Variants in DHRS4L2 observed in about 807,000 individuals in gnomAD.
The protein encoded by DHRS4L2 is dehydrogenase/reductase SDR family member 4-like 2.
Under a neutral mutation model 23.9 loss-of-function variants are expected in DHRS4L2, and 22 were observed. That is an observed-to-expected ratio of 0.92 (90% CI 0.66 to 1.31). The LOEUF is 1.31. Among genes scored for constraint, DHRS4L2 ranks in the 40% most tolerant of loss-of-function variants. DHRS4L2 has a pLI of 0.00. For synonymous variants in DHRS4L2, 141 were observed against 123.7 expected (o/e 1.14, Z -0.93); for missense variants, 385 against 303.3 (o/e 1.27, Z -2.00).
intron 2 of DHRS4L2, among the ~76,000 whole-genome samples, chr14:23,994,109 G>A (rs151253175): frequency 9.9e-5 from 15 of 151,814 alleles, no homozygotes; most frequent in African/African-American, 3.6e-4. Flanking sequence ...GATCTCAAAG[G>A]CCCCTCCAGG....
chr14:23,992,441 C>G (rs1366765819), intron 2 of DHRS4L2, among the ~76,000 whole-genome samples: 15 of 151,542 alleles, frequency 9.9e-5, no homozygotes, highest in African/African-American at 3.4e-4. Flanking sequence ...ATGTCTTCTG[C>G]CAGTTGCCAC....
chr14:23,990,467 C>A, intron 2 of DHRS4L2, 108 bp downstream of exon 2: 1 of 1,425,490 alleles, frequency 7.0e-7, no homozygotes, highest in Non-Finnish European at 9.3e-7. Context: ...GTGTGCCTTT[C>A]TATTATGTCC....
In DHRS4L2 at chr14:24,001,415, C is replaced by G; in HGVS notation, c.563C>G (p.Ala188Gly). The change falls in exon 6 of 8, where the codon GCC becomes GGC. Residue 188 changes from alanine to glycine, a missense_variant. By Grantham distance (60) the Ala-to-Gly change is moderately conservative. Coordinates refer to ENST00000335125, the MANE Select transcript of DHRS4L2 (RefSeq NM_198083.4). ...GFSPYNVSKT[A>G]LLGLNNTLAI... Reference sequence around the variant, plus strand: ...AGTCCTTACAATGTCAGTAAAACAGCCTTGCTGGGCCTCAACAATACCCTG... The same window carrying G: ...AGTCCTTACAATGTCAGTAAAACAGGCTTGCTGGGCCTCAACAATACCCTG... 1 of 1,607,918 alleles carries G rather than the reference C, an allele frequency of 6.2e-7. No homozygotes were observed. Among genetic ancestry groups the G allele is most frequent in the Non-Finnish European group, 8.5e-7 (1 of 1,179,388 alleles).
chr14:23,997,965 A>G (rs541649793), intron 3 of DHRS4L2, among the ~76,000 whole-genome samples: 9 of 151,892 alleles, frequency 5.9e-5, no homozygotes, highest in African/African-American at 2.2e-4. Context: ...TAGCCTTACA[A>G]AATGTATTTC....
At chr14:23,996,788 G>A (rs1270083634) in intron 3 of DHRS4L2, among the ~76,000 whole-genome samples, 1 of 151,374 alleles carries the variant, frequency 6.6e-6, no homozygotes, top group Non-Finnish European at 1.5e-5. Flanking sequence ...CTACAGGCAT[G>A]TGCCATCATG....
upstream of DHRS4L2, among the ~76,000 whole-genome samples, chr14:23,986,816 C>T (rs2034153358): frequency 6.6e-6 from 1 of 151,442 alleles, no homozygotes; most frequent in Admixed American, 6.6e-5. Context: ...CCCCCAGCCC[C>T]ACACAGATGG....
rs74698879 is a variant in DHRS4L2 at position 23,989,295 on chromosome 14, A to T, written c.128+220A>T. Among the ~76,000 whole-genome samples the T allele has an allele frequency of 6.6e-5, 10 of 151,436 alleles. 1 individual carries two copies. The highest frequency in any genetic ancestry group is 2.2e-4 in the African/African-American group (9 of 41,288). On this transcript the variant is annotated intron_variant, in intron 1 of 7. Transcript: ENST00000335125. ...CTGCTGCCTCTGGCACAACTGTGCC[A>T]CCTCTGTGCAGCCCCATCGATCTAG...
intron 1 of DHRS4L2, among the ~76,000 whole-genome samples, chr14:23,975,660 A>G (rs1281287626): frequency 6.6e-6 from 1 of 151,820 alleles, no homozygotes; most frequent in Non-Finnish European, 1.5e-5. Context: ...TGGAGGCGTC[A>G]CACTACCTGA....
intron 3 of DHRS4L2, 51 bp downstream of exon 3, chr14:23,995,184 A>C (rs771854139): frequency 2.5e-6 from 4 of 1,589,726 alleles, no homozygotes; most frequent in Non-Finnish European, 2.6e-6. Context: ...CACATTCAGC[A>C]CAAACTCCAT....
intron 1 of DHRS4L2, among the ~76,000 whole-genome samples, chr14:23,971,867 C>G (rs371167696): frequency 2.6e-5 from 4 of 151,982 alleles, no homozygotes; most frequent in Non-Finnish European, 5.9e-5. Flanking sequence ...GTACCAGCCA[C>G]TGCAAAAACA....
At chr14:23,983,928 T>TATAGATGAC (rs1226031427), upstream of DHRS4L2, among the ~76,000 whole-genome samples, 3 of 151,488 alleles carry the variant, frequency 2.0e-5, no homozygotes, top group Admixed American at 1.3e-4. Context: ...AAATACTTAA[T>TATAGATGAC]ATAGATGACG....
chr14:23,983,782 C>T (rs2034093187), intron 1 of DHRS4L2, among the ~76,000 whole-genome samples: 1 of 151,490 alleles, frequency 6.6e-6, no homozygotes, highest in African/African-American at 2.4e-5. Context: ...AACACAAAAA[C>T]AGAAAACCAA....
chr14:24,001,957 C>CTTGTTTTTTTTTTTTTTTTTTTTTTTTT (rs2034497756), intron 6 of DHRS4L2, among the ~76,000 whole-genome samples: 3 of 5,516 alleles, frequency 5.4e-4, no homozygotes, highest in Non-Finnish European at 6.7e-4. Context: ...CTTTCCTCTT[C>CTTGTTTTTTTTTTTTTTTTTTTTTTTTT]TTTTTTTTTT....
intron 3 of DHRS4L2, among the ~76,000 whole-genome samples, chr14:23,998,041 TAGC>T (rs1339617455): frequency 6.6e-6 from 1 of 151,906 alleles, no homozygotes; most frequent in East Asian, 1.9e-4. Context: ...GATGTTGTGT[TAGC>T]AGGCATGAAA....
At chr14:23,970,827 A>G (rs2033841343) in intron 1 of DHRS4L2, among the ~76,000 whole-genome samples, 1 of 152,048 alleles carries the variant, frequency 6.6e-6, no homozygotes, top group Non-Finnish European at 1.5e-5. Context: ...CTGATACCCA[A>G]GAAAATAAGG....
rs984101538 is a variant in DHRS4L2, at chr14:23,990,098, C to G, written c.129-84C>G. On this transcript the variant is annotated intron_variant, in intron 1 of 7. Coordinates refer to ENST00000335125, the MANE Select transcript of DHRS4L2 (RefSeq NM_198083.4). ...TAGAGAAAGAGCCAGAATTCAAACC[C>G]GGGCAGTCTTAACTTCAGAGCCCAT... 70 of 1,567,598 alleles carry G rather than the reference C, an allele frequency of 4.5e-5. 1 individual carries two copies. The highest frequency in any genetic ancestry group is 7.8e-6 in the Non-Finnish European group (9 of 1,157,978).
chr14:23,971,009 G>A (rs1594447124), intron 1 of DHRS4L2, among the ~76,000 whole-genome samples: 1 of 152,056 alleles, frequency 6.6e-6, no homozygotes, highest in Non-Finnish European at 1.5e-5. Context: ...CAACATCAAA[G>A]ACCAAAGGTA....
At chr14:23,981,369 C>T (rs923449032) in intron 1 of DHRS4L2, among the ~76,000 whole-genome samples, 7 of 151,566 alleles carry the variant, frequency 4.6e-5, no homozygotes, top group Non-Finnish European at 1.0e-4. Context: ...GTGAAAATGG[C>T]CATACTGCCC....
intron 2 of DHRS4L2, among the ~76,000 whole-genome samples, chr14:23,993,283 G>A (rs1404812323): frequency 2.0e-5 from 3 of 151,874 alleles, no homozygotes; most frequent in African/African-American, 7.2e-5. Flanking sequence ...AAGGGTGCAA[G>A]AAAGTATTAA....
Sources: gnomAD v4.1 joint callset for allele counts (sites outside exome capture counted in the v4.1 genomes callset) on GRCh38, gnomAD v4.1.1 for gene constraint, MANE v1.5 for transcripts, NCBI Gene and HGNC (gene_info 2026-07-23, HGNC 2026-07-21) for gene names.